Variants in SHTN1 observed in about 807,000 individuals in gnomAD.
SHTN1 encodes shootin 1.
A neutral mutation model predicts 83.1 loss-of-function variants in SHTN1; 42 were observed. The ratio of observed to expected loss-of-function variants is 0.51; its 90% CI spans 0.39 to 0.65. The LOEUF is 0.65. Ranked by LOEUF, SHTN1 falls within the 30% of genes least tolerant of loss-of-function variation. The probability of loss-of-function intolerance (pLI) is 0.00; values close to 1 mark genes in which losing one functional copy is unlikely to be tolerated. For missense variants in SHTN1, 622 were observed against 737.8 expected (o/e 0.84, Z 1.82); for synonymous variants, 224 against 247.7 (o/e 0.90, Z 0.90).
intron 1 of SHTN1, among the ~76,000 whole-genome samples, chr10:117,001,009 C>CT (rs1189815200): frequency 6.6e-6 from 1 of 152,094 alleles, no homozygotes; most frequent in African/African-American, 2.4e-5. Context: ...TGAACTAAGT[C>CT]TATCATTTTC....
At chr10:116,921,541 CAGG>C (rs1848567306) in intron 11 of SHTN1, 25 bp from the exon 12 acceptor site, 1 of 1,566,324 alleles carries the variant, frequency 6.4e-7, no homozygotes, top group Non-Finnish European at 8.8e-7. Context: ...AAAAGATCAA[CAGG>C]AGATTACTGG....
At chr10:117,075,480 C>T (rs4752028) in intron 1 of SHTN1, among the ~76,000 whole-genome samples, 111,074 of 152,112 alleles carry the variant, frequency 0.73, 42,264 homozygotes, top group Middle Eastern at 0.86. Flanking sequence ...GAGGATGCAA[C>T]AGTGACCAAG....
intron 1 of SHTN1, among the ~76,000 whole-genome samples, chr10:117,053,300 G>C (rs2133590139): frequency 6.6e-6 from 1 of 151,856 alleles, no homozygotes; most frequent in South Asian, 2.1e-4. Context: ...GTGCTTCAAA[G>C]GACACTATTA....
At chr10:116,926,615 C>T (rs572759774) in intron 11 of SHTN1, among the ~76,000 whole-genome samples, 11 of 151,636 alleles carry the variant, frequency 7.3e-5, no homozygotes, top group South Asian at 2.1e-4. Context: ...GAACATGCTA[C>T]GCATTCTATT....
At chr10:116,941,803 G>A (rs556331009) in intron 8 of SHTN1, among the ~76,000 whole-genome samples, 6 of 152,224 alleles carry the variant, frequency 3.9e-5, no homozygotes, top group Admixed American at 6.5e-5. Context: ...CCACATCAAA[G>A]TCAAGTCATG....
At chr10:116,990,287 CTTTTTTTTTT>C (rs11399364) in intron 1 of SHTN1, among the ~76,000 whole-genome samples, 1 of 119,920 alleles carries the variant, frequency 8.3e-6, no homozygotes, top group Admixed American at 9.3e-5. Flanking sequence ...TTTTTTCTTT[CTTTTTTTTTT>C]TTTTTTTGGT....
chr10:117,005,324 G>C (rs542967384), upstream of SHTN1: 11 of 1,341,496 alleles, frequency 8.2e-6, no homozygotes, highest in Admixed American at 3.2e-4. Flanking sequence ...CCGTTCAGGG[G>C]GTGGAGGAAC....
At chr10:116,916,476 A>G (rs997558887) in intron 12 of SHTN1, among the ~76,000 whole-genome samples, 3 of 152,232 alleles carry the variant, frequency 2.0e-5, no homozygotes, top group African/African-American at 7.2e-5. Flanking sequence ...TGGGCACTCA[A>G]CAAGTTTCTA....
At chr10:116,938,096 G>A (rs1199063598) in intron 9 of SHTN1, among the ~76,000 whole-genome samples, 7 of 151,716 alleles carry the variant, frequency 4.6e-5, no homozygotes, top group South Asian at 2.1e-4. Context: ...GCTTCCTTGC[G>A]TTGGGTTAGA....
At chr10:116,929,354 G>C (rs1483338676) in intron 10 of SHTN1, among the ~76,000 whole-genome samples, 2 of 152,094 alleles carry the variant, frequency 1.3e-5, no homozygotes, top group African/African-American at 4.8e-5. Context: ...CCATTTAATA[G>C]ATATATTGTT....
intron 2 of SHTN1, among the ~76,000 whole-genome samples, chr10:116,975,150 G>C (rs982096614): frequency 6.6e-6 from 1 of 152,036 alleles, no homozygotes; most frequent in African/African-American, 2.4e-5. Context: ...TTATCTTGAT[G>C]TTAAAAAAAC....
chr10:116,939,610 T>C (rs1164075415), intron 9 of SHTN1, among the ~76,000 whole-genome samples: 1 of 152,186 alleles, frequency 6.6e-6, no homozygotes, highest in Non-Finnish European at 1.5e-5. Flanking sequence ...TTCGGCCATC[T>C]TACCAGCCAC....
At chr10:117,006,892 A>G (rs1206120894), upstream of SHTN1, among the ~76,000 whole-genome samples, 1 of 151,944 alleles carries the variant, frequency 6.6e-6, no homozygotes, top group African/African-American at 2.4e-5. Context: ...GATACTCACT[A>G]CATGCTAACT....
At chr10:117,008,448 GT>G (rs1780824481), upstream of SHTN1, among the ~76,000 whole-genome samples, 1 of 152,086 alleles carries the variant, frequency 6.6e-6, no homozygotes. Flanking sequence ...AAAGGCTTAT[GT>G]ACAGAGCTAT....
At chr10:116,977,868 G>T (rs1054806626) in intron 2 of SHTN1, among the ~76,000 whole-genome samples, 2 of 151,920 alleles carry the variant, frequency 1.3e-5, no homozygotes, top group African/African-American at 4.8e-5. Flanking sequence ...TAAAGATGGG[G>T]GTCTTACTAT....
intron 9 of SHTN1, among the ~76,000 whole-genome samples, chr10:116,931,391 G>A (rs1407436824): frequency 6.6e-6 from 1 of 152,062 alleles, no homozygotes; most frequent in Non-Finnish European, 1.5e-5. Context: ...TGGGGCTACA[G>A]GCACATGTCA....
intron 2 of SHTN1, among the ~76,000 whole-genome samples, chr10:117,021,159 GC>G (rs1852258762): frequency 6.6e-6 from 1 of 152,190 alleles, no homozygotes; most frequent in South Asian, 2.1e-4. Context: ...GATCACCTGA[GC>G]TCAGGAGTTC....
chr10:116,952,138 T>G (rs1589836834), intron 5 of SHTN1, 132 bp from the exon 6 acceptor site: 1 of 426,834 alleles, frequency 2.3e-6, no homozygotes, highest in Non-Finnish European at 4.0e-6. Context: ...TAAAAAGAAA[T>G]GAAGAACCAA....
In SHTN1 at chr10:117,106,122, G is replaced by A. The variant is rs1293354999; in HGVS notation, c.-189+20185C>T. ...CAGACTCCGTCTCAAAAAGAAAAAA[G>A]ATAAAAAAAAGATACCAGATCAACT... is the stretch of plus-strand genomic sequence containing the variant. On this transcript the variant is annotated intron_variant, in intron 1 of 17. Transcript: ENST00000392901. 2.0e-5 allele frequency among the ~76,000 whole-genome samples: 3 copies of A among 150,564 alleles called. No individual in the cohort carries two copies. The East Asian group carries it at 6.0e-4, about 30-fold the overall frequency.
Sources: allele counts gnomAD v4.1 joint callset (sites outside exome capture counted in the v4.1 genomes callset), GRCh38; gene constraint gnomAD v4.1.1; transcripts MANE v1.5; gene names NCBI Gene and HGNC (gene_info 2026-07-23, HGNC 2026-07-21).